SHISA6: variants seen among roughly 807,000 people sequenced by gnomAD.
The protein encoded by SHISA6 is shisa family member 6.
SHISA6 carries 22 observed loss-of-function variants against 47.9 expected under a neutral mutation model. The ratio of observed to expected loss-of-function variants is 0.46; its 90% CI spans 0.33 to 0.66. SHISA6 has a LOEUF of 0.66. SHISA6 is among the 30% of genes least tolerant of loss of function. The pLI, the probability that SHISA6 is intolerant of heterozygous loss-of-function variation, is 0.02. For missense variants in SHISA6, 680 were observed against 764.6 expected (o/e 0.89, Z 1.30); for synonymous variants, 388 against 337.8 (o/e 1.15, Z -1.63).
chr17:11,317,253 G>A (rs1368358499), intron 2 of SHISA6, among the ~76,000 whole-genome samples: 1 of 151,508 alleles, frequency 6.6e-6, no homozygotes, highest in African/African-American at 2.4e-5. Context: ...TTTGAATTTT[G>A]CTTTAAATGT....
At chr17:11,307,682 C>A (rs1400273074) in intron 2 of SHISA6, among the ~76,000 whole-genome samples, 2 of 152,170 alleles carry the variant, frequency 1.3e-5, no homozygotes, top group Admixed American at 1.3e-4. Flanking sequence ...GAGCAGTGTG[C>A]ATCATTCATG....
At chr17:11,523,725 G>T (rs542911711) in intron 3 of SHISA6, among the ~76,000 whole-genome samples, 1 of 152,200 alleles carries the variant, frequency 6.6e-6, no homozygotes, top group African/African-American at 2.4e-5. Context: ...AAATAATACG[G>T]CTGGGCGCAG....
chr17:11,256,193 C>T (rs1008796053), intron 1 of SHISA6, among the ~76,000 whole-genome samples: 17 of 152,204 alleles, frequency 1.1e-4, no homozygotes, highest in African/African-American at 4.1e-4. Flanking sequence ...GAGCCCATTG[C>T]AAATAAAGAA....
intron 2 of SHISA6, among the ~76,000 whole-genome samples, chr17:11,323,376 C>A (rs942251903): frequency 6.6e-6 from 1 of 152,066 alleles, no homozygotes; most frequent in Non-Finnish European, 1.5e-5. Flanking sequence ...ACACATGAGC[C>A]GGGCACGGTG....
At chr17:11,367,111 T>A (rs1469879774) in intron 2 of SHISA6, among the ~76,000 whole-genome samples, 2 of 152,168 alleles carry the variant, frequency 1.3e-5, no homozygotes, top group Non-Finnish European at 2.9e-5. Context: ...TCTTTTGACA[T>A]TTCATAGAGA....
chr17:11,512,362 T>C (rs1544668), intron 3 of SHISA6, among the ~76,000 whole-genome samples: 120,013 of 152,160 alleles, frequency 0.79, 48,063 homozygotes, highest in East Asian at 0.96. Flanking sequence ...GTACACCACC[T>C]AGTTACTGTT....
At chr17:11,458,093 A>G (rs1915596384) in intron 3 of SHISA6, among the ~76,000 whole-genome samples, 1 of 151,872 alleles carries the variant, frequency 6.6e-6, no homozygotes, top group African/African-American at 2.4e-5. Flanking sequence ...TAAAAAAAAA[A>G]AAAAAAAAAT....
At chr17:11,268,457 T>A (rs1908512661) in intron 2 of SHISA6, among the ~76,000 whole-genome samples, 1 of 152,190 alleles carries the variant, frequency 6.6e-6, no homozygotes, top group Non-Finnish European at 1.5e-5. Flanking sequence ...CCAGACACAC[T>A]GTTTCTTCTC....
chr17:11,359,846 G>A (rs1321492223), intron 2 of SHISA6, among the ~76,000 whole-genome samples: 1 of 151,788 alleles, frequency 6.6e-6, no homozygotes, highest in African/African-American at 2.4e-5. Flanking sequence ...ACAGAAATAA[G>A]AACGCTTTTA....
At chr17:11,539,298 T>C (rs1006992391) in intron 3 of SHISA6, among the ~76,000 whole-genome samples, 2 of 152,234 alleles carry the variant, frequency 1.3e-5, no homozygotes, top group African/African-American at 4.8e-5. Flanking sequence ...TTTATGCCTT[T>C]GGGCATTATT....
At chr17:11,289,361 A>G (rs1273191443) in intron 2 of SHISA6, 1 of 151,896 alleles carries the variant, frequency 6.6e-6, no homozygotes, top group African/African-American at 2.4e-5. Context: ...TTCATGAGTT[A>G]AACTGTCCTC....
intron 2 of SHISA6, chr17:11,288,085 CTTCAT>C (rs1257268682): frequency 1.3e-5 from 2 of 152,192 alleles, no homozygotes; most frequent in African/African-American, 4.8e-5. Context: ...CCAGATATCA[CTTCAT>C]TTCATCTGTG....
At chr17:11,357,509 C>G (rs1168945687) in intron 2 of SHISA6, among the ~76,000 whole-genome samples, 2 of 152,166 alleles carry the variant, frequency 1.3e-5, no homozygotes, top group African/African-American at 4.8e-5. Context: ...CTCCCCTTCC[C>G]CAGGTGTATC....
intron 3 of SHISA6, among the ~76,000 whole-genome samples, chr17:11,506,911 C>T (rs138048265): frequency 2.4e-4 from 36 of 152,282 alleles, no homozygotes; most frequent in African/African-American, 8.4e-4. Context: ...GTGAATCAGG[C>T]TGGGCATGAG....
intron 1 of SHISA6, among the ~76,000 whole-genome samples, chr17:11,259,160 G>A (rs144563185): frequency 0.017 from 2,639 of 151,906 alleles, 81 homozygotes; most frequent in African/African-American, 0.061. Context: ...GGGAGGGAAG[G>A]ATGAATGGAG....
intron 2 of SHISA6, among the ~76,000 whole-genome samples, chr17:11,285,932 G>A (rs1219189955): frequency 1.3e-5 from 2 of 151,818 alleles, no homozygotes; most frequent in Non-Finnish European, 2.9e-5. Context: ...AGTCTCGTGG[G>A]TTCAAGCGAT....
At chr17:11,282,436 C>A (rs2005812) in intron 2 of SHISA6, among the ~76,000 whole-genome samples, 117,357 of 151,532 alleles carry the variant, frequency 0.77, 46,110 homozygotes, top group Non-Finnish European at 0.85. Flanking sequence ...TCTGGGGTAC[C>A]TGTGCACAAC....
chr17:11,297,397 A>C (rs952320384), intron 2 of SHISA6, among the ~76,000 whole-genome samples: 6 of 152,172 alleles, frequency 3.9e-5, no homozygotes, highest in Admixed American at 3.9e-4. Flanking sequence ...TGATCATTCT[A>C]CTACACGAGG....
chr17:11,505,624 G>C (rs2071492486), intron 3 of SHISA6, among the ~76,000 whole-genome samples: 1 of 152,230 alleles, frequency 6.6e-6, no homozygotes, highest in South Asian at 2.1e-4. Context: ...ATGGATTGCA[G>C]AGCAGTGGAA....
Sources: gnomAD v4.1 joint callset for allele counts (sites outside exome capture counted in the v4.1 genomes callset) on GRCh38, gnomAD v4.1.1 for gene constraint, MANE v1.5 for transcripts, NCBI Gene and HGNC (gene_info 2026-07-23, HGNC 2026-07-21) for gene names.